L3MBTL4: variants seen among roughly 807,000 people sequenced by gnomAD.
L3MBTL4 encodes L3MBTL histone methyl-lysine binding protein 4, also known as lethal(3)malignant brain tumor-like protein 4.
A neutral mutation model predicts 84.5 loss-of-function variants in L3MBTL4; 70 were observed. That is an observed-to-expected ratio of 0.83 (90% confidence interval 0.68 to 1.01). The LOEUF (loss-of-function observed/expected upper bound fraction) is 1.01, where lower values mean the gene tolerates loss of function less well. Among genes scored for constraint, L3MBTL4 ranks in the 50% least tolerant of loss-of-function variants. The probability of loss-of-function intolerance (pLI) is 0.00; values close to 1 mark genes in which losing one functional copy is unlikely to be tolerated. For missense variants in L3MBTL4, 715 were observed against 754.8 expected, an observed-to-expected ratio of 0.95 and a Z score of 0.62; for synonymous variants, 274 against 259.8, an observed-to-expected ratio of 1.05 and a Z score of -0.52.
chr18:6,213,934 T>C (rs1033974171), intron 11 of L3MBTL4, among the ~76,000 whole-genome samples: 18 of 152,222 alleles, frequency 1.2e-4, no homozygotes, highest in African/African-American at 4.3e-4. Context: ...GATATTGACC[T>C]TATAATTTCA....
Position 6,142,617 on chromosome 18 carries a change from T to A in L3MBTL4, c.1097-4321A>T, listed in dbSNP as rs185357437. 9.2e-5 allele frequency among the ~76,000 whole-genome samples: 14 copies of A among 152,166 alleles called. No homozygotes were observed. The East Asian group carries it at 2.7e-3, about 29-fold the overall frequency. On this transcript the variant is annotated intron_variant, in intron 13 of 18. Coordinates refer to ENST00000317931, the MANE Select transcript of L3MBTL4 (RefSeq NM_001330559.2). The stretch of plus-strand genomic sequence containing the variant: ...CAACTTTTAAACGAATCAGAGGAAG[T>A]GATGTTTGAAAACTGTAAACAGGAT...
At chr18:6,388,361 G>A (rs1599872479) in intron 1 of L3MBTL4, among the ~76,000 whole-genome samples, 3 of 152,184 alleles carry the variant, frequency 2.0e-5, no homozygotes, top group African/African-American at 7.2e-5. Context: ...GGATATGCCA[G>A]CATTATTTGC....
At chr18:6,232,823 G>A (rs1375859433) in intron 10 of L3MBTL4, among the ~76,000 whole-genome samples, 1 of 151,876 alleles carries the variant, frequency 6.6e-6, no homozygotes, top group Admixed American at 6.6e-5. Flanking sequence ...TCCATACTCA[G>A]TAATCTAGTA....
chr18:6,001,365 C>T (rs965274318), intron 16 of L3MBTL4, among the ~76,000 whole-genome samples: 43 of 152,300 alleles, frequency 2.8e-4, no homozygotes, highest in African/African-American at 9.1e-4. Context: ...TCACCATGCA[C>T]GACCAAGGAA....
At chr18:6,288,038 G>A (rs1357575466) in intron 4 of L3MBTL4, among the ~76,000 whole-genome samples, 1 of 152,150 alleles carries the variant, frequency 6.6e-6, no homozygotes, top group Non-Finnish European at 1.5e-5. Context: ...ACGAGACTCT[G>A]TCTCAACAAA....
chr18:6,235,913 C>A (rs556673275), intron 10 of L3MBTL4, among the ~76,000 whole-genome samples: 5 of 152,050 alleles, frequency 3.3e-5, no homozygotes, highest in Non-Finnish European at 7.4e-5. Context: ...AAACTGAAAA[C>A]TACAAATTAT....
intron 1 of L3MBTL4, among the ~76,000 whole-genome samples, chr18:6,393,824 G>A (rs114787817): frequency 0.01 from 1,554 of 152,184 alleles, 25 homozygotes; most frequent in African/African-American, 0.035. Flanking sequence ...TAAAGCCTAG[G>A]TCCATCCCTG....
intron 5 of L3MBTL4, among the ~76,000 whole-genome samples, chr18:6,253,987 C>T (rs966750916): frequency 6.6e-6 from 1 of 152,160 alleles, no homozygotes; most frequent in Non-Finnish European, 1.5e-5. Flanking sequence ...CACATTTGCT[C>T]TTTTTCTATT....
chr18:6,164,483 T>C (rs1193253352), intron 13 of L3MBTL4, among the ~76,000 whole-genome samples: 3 of 152,142 alleles, frequency 2.0e-5, no homozygotes, highest in Non-Finnish European at 4.4e-5. Context: ...AAGACAAAAC[T>C]TCCAGAGGAA....
At chr18:6,167,925 C>A (rs920756846) in intron 13 of L3MBTL4, among the ~76,000 whole-genome samples, 3 of 152,172 alleles carry the variant, frequency 2.0e-5, no homozygotes, top group Non-Finnish European at 2.9e-5. Flanking sequence ...ATCTAGAAAA[C>A]CACATCATCT....
At chr18:6,323,576 C>G (rs2051542575) in intron 1 of L3MBTL4, among the ~76,000 whole-genome samples, 1 of 152,204 alleles carries the variant, frequency 6.6e-6, no homozygotes, top group African/African-American at 2.4e-5. Flanking sequence ...GAACTTTGAA[C>G]TTGAGGTATG....
intron 16 of L3MBTL4, among the ~76,000 whole-genome samples, chr18:6,055,043 C>G (rs144321706): frequency 6.6e-6 from 1 of 152,322 alleles, no homozygotes; most frequent in East Asian, 1.9e-4. Flanking sequence ...ATCTGTGAGA[C>G]AGTATGACTA....
chr18:6,185,159 C>A (rs1287178388), intron 12 of L3MBTL4, among the ~76,000 whole-genome samples: 1 of 152,162 alleles, frequency 6.6e-6, no homozygotes, highest in African/African-American at 2.4e-5. Context: ...AATGAAAAGT[C>A]ATTCCTGGAT....
chr18:6,258,454 G>A (rs1045376332), intron 5 of L3MBTL4, among the ~76,000 whole-genome samples: 2 of 152,160 alleles, frequency 1.3e-5, no homozygotes, highest in African/African-American at 2.4e-5. Context: ...GGGAGGCAAC[G>A]GACTGAAGAT....
intron 5 of L3MBTL4, among the ~76,000 whole-genome samples, chr18:6,261,714 G>A (rs1002472314): frequency 2.0e-5 from 3 of 152,138 alleles, no homozygotes; most frequent in Non-Finnish European, 4.4e-5. Context: ...TTAACACCAG[G>A]TCATAAGGGA....
chr18:6,004,782 A>T (rs191330667), intron 16 of L3MBTL4, among the ~76,000 whole-genome samples: 107 of 152,246 alleles, frequency 7.0e-4, no homozygotes, highest in Admixed American at 3.1e-3. Flanking sequence ...TTTATATGAG[A>T]TAGTGAGAGT....
At chr18:6,383,612 G>A (rs772962444) in intron 1 of L3MBTL4, among the ~76,000 whole-genome samples, 1 of 152,142 alleles carries the variant, frequency 6.6e-6, no homozygotes, top group Non-Finnish European at 1.5e-5. Context: ...GCCCTGCCCT[G>A]TTTCGGCTTG....
At position 6,391,752 on chromosome 18, in the gene L3MBTL4, A is replaced by AACAACAACTACTACT. The variant is rs1555755552; in HGVS notation, c.-91+23048_-91+23049insAGTAGTAGTTGTTGT. On this transcript the variant is annotated intron_variant, in intron 1 of 18. Coordinates refer to ENST00000317931, the MANE Select transcript of L3MBTL4 (RefSeq NM_001330559.2). Reference sequence around the variant, plus strand: ...TACAACATCTGCAAACAACAACAACAACTACTACTACTACTACTACTACTA... The same window carrying AACAACAACTACTACT: ...TACAACATCTGCAAACAACAACAACAACAACAACTACTACTACTACTACTACTACTACTACTACTA... Among the ~76,000 whole-genome samples the AACAACAACTACTACT allele has an allele frequency of 9.3e-3, 1,402 of 150,094 alleles. 26 individuals carry two copies. The highest frequency in any genetic ancestry group is 0.033 in the African/African-American group (1,345 of 40,432).
intron 4 of L3MBTL4, among the ~76,000 whole-genome samples, chr18:6,271,008 G>C (rs1216609254): frequency 6.6e-6 from 1 of 152,140 alleles, no homozygotes; most frequent in African/African-American, 2.4e-5. Flanking sequence ...CTAAACAAAG[G>C]GGGGCATGCA....
Sources: gnomAD v4.1 joint callset for allele counts (sites outside exome capture counted in the v4.1 genomes callset) on GRCh38, gnomAD v4.1.1 for gene constraint, MANE v1.5 for transcripts, NCBI Gene and HGNC (gene_info 2026-07-23, HGNC 2026-07-21) for gene names.